Variants in SBNO1 observed in about 807,000 individuals in gnomAD.
SBNO1 encodes strawberry notch homolog 1.
Under a neutral mutation model 173.6 loss-of-function variants are expected in SBNO1, and 23 were observed. The observed-to-expected ratio is 0.13, with a 90% CI of 0.10 to 0.19. SBNO1 has a LOEUF of 0.19. SBNO1 is among the 10% of genes least tolerant of loss of function. SBNO1 has a pLI of 1.00. For missense variants in SBNO1, 1,238 were observed against 1,671.2 expected (o/e 0.74, Z 4.52); for synonymous variants, 632 against 571.5 (o/e 1.11, Z -1.51).
At chr12:123,332,850 C>A (rs1593378874) in intron 7 of SBNO1, among the ~76,000 whole-genome samples, 2 of 152,286 alleles carry the variant, frequency 1.3e-5, no homozygotes, top group Non-Finnish European at 2.9e-5. Context: ...TTGGGCCGGG[C>A]ACGGTGGCTC....
chr12:123,323,820 T>C lies in SBNO1; in HGVS notation c.1985A>G (p.Gln662Arg), dbSNP rs753994081. Residue 662 changes from glutamine (Q) to arginine (R), a missense_variant, in exon 16 of 32, where the codon CAG becomes CGG. Gln to Arg is a conservative substitution (Grantham distance 43, BLOSUM62 1). Transcript: ENST00000602398. Reference protein sequence around the residue: ...DFVSTAKGVLQSLIEKHFPAP... With the variant: ...DFVSTAKGVLRSLIEKHFPAP... ...AGGAAAATGTTTTTCAATGAGTGAC[T>C]GCAACACACCTCTGTAGGAGAGAAA... The C allele has an allele frequency of 6.2e-7, 1 of 1,609,996 alleles. No homozygotes were observed. The highest frequency in any genetic ancestry group is 8.5e-7 in the Non-Finnish European group (1 of 1,178,638).
At chr12:123,308,122 C>A (rs959306289) in intron 28 of SBNO1, among the ~76,000 whole-genome samples, 1 of 151,844 alleles carries the variant, frequency 6.6e-6, no homozygotes, top group Non-Finnish European at 1.5e-5. Flanking sequence ...AGAGAACTGG[C>A]GAAATAAAAT....
At chr12:123,360,403 GCTAAGAAATGC>G (rs550328996) in intron 1 of SBNO1, among the ~76,000 whole-genome samples, 44 of 152,234 alleles carry the variant, frequency 2.9e-4, no homozygotes, top group African/African-American at 7.9e-4. Context: ...CAATTTAGAT[GCTAAGAAATGC>G]CTAAACATAT....
At chr12:123,309,678 G>T in intron 26 of SBNO1, 32 bp downstream of exon 26, 2 of 1,608,726 alleles carry the variant, frequency 1.2e-6, no homozygotes, top group Non-Finnish European at 1.7e-6. Flanking sequence ...TTTCCCTGGG[G>T]ACATTGTGGG....
At chr12:123,344,156 G>C (rs1231347816) in intron 4 of SBNO1, among the ~76,000 whole-genome samples, 1 of 152,122 alleles carries the variant, frequency 6.6e-6, no homozygotes, top group East Asian at 1.9e-4. Flanking sequence ...TCCAAAGACC[G>C]TAACGAGAAG....
In SBNO1 at chr12:123,313,643, T is replaced by C; in HGVS notation, c.3197A>G (p.Asp1066Gly). 1.9e-6 allele frequency: 3 copies of C among 1,590,610 alleles called. No homozygotes were observed. The highest frequency in any genetic ancestry group is 2.2e-5 in the East Asian group (1 of 44,754). The change falls in exon 24 of 32, where the codon GAC becomes GGC. Residue 1066 changes from aspartate to glycine, a missense_variant. Physicochemically the swap from Asp to Gly is moderately conservative, Grantham distance 94. Transcript: ENST00000602398. ...ACCTTTAAAAAATTCTCCAGGATAGTCTGGAGGTGGTGATACCATAGGAGA... is the reference window on the plus strand; with the variant it reads ...ACCTTTAAAAAATTCTCCAGGATAGCCTGGAGGTGGTGATACCATAGGAGA... Reference protein sequence around the residue: ...LDSPMVSPPPDYPGEFFKDVR... With the variant: ...LDSPMVSPPPGYPGEFFKDVR...
At chr12:123,350,762 AATC>A (rs1231406899) in intron 1 of SBNO1, among the ~76,000 whole-genome samples, 1 of 152,226 alleles carries the variant, frequency 6.6e-6, no homozygotes, top group Non-Finnish European at 1.5e-5. Flanking sequence ...AGCATCAGGG[AATC>A]ATCAGGTGGA....
chr12:123,318,602 G>A (rs1046539391), intron 20 of SBNO1, among the ~76,000 whole-genome samples: 9 of 151,874 alleles, frequency 5.9e-5, no homozygotes, highest in South Asian at 4.2e-4. Flanking sequence ...GCGTGGTGGC[G>A]CGTGCCTGTA....
chr12:123,297,928 C>A (rs369892466), intron 31 of SBNO1, 50 bp downstream of exon 31: 4 of 1,556,770 alleles, frequency 2.6e-6, no homozygotes, highest in Non-Finnish European at 2.6e-6. Context: ...AGAAAAAAGT[C>A]GGATCCGATT....
At position 123,336,428 on chromosome 12, in the gene SBNO1, C is replaced by T; in HGVS notation, c.715G>A (p.Ala239Thr). Residue 239 changes from alanine (A) to threonine (T), a missense_variant, in exon 6 of 32, where the codon GCA becomes ACA. By Grantham distance (58) the Ala-to-Thr change is moderately conservative. Coordinates refer to ENST00000602398, the MANE Select transcript of SBNO1 (RefSeq NM_001167856.3). ...GGCATGTATTCTGCATAGGTTTCTG[C>T]ATGACCCATTTCTTCTTCATCTTCT... ...EEEDEEEMGH[A>T]ETYAEYMPIK... The T allele has an allele frequency of 6.2e-7, 1 of 1,611,732 alleles. No individual in the cohort carries two copies. The highest frequency in any genetic ancestry group is 8.5e-7 in the Non-Finnish European group (1 of 1,178,230).
intron 9 of SBNO1, among the ~76,000 whole-genome samples, 199 bp downstream of exon 9, chr12:123,330,220 T>C (rs974432070): frequency 6.6e-6 from 1 of 152,188 alleles, no homozygotes; most frequent in Non-Finnish European, 1.5e-5. Flanking sequence ...CCACATGTGA[T>C]GAGTGGCTAC....
chr12:123,334,153 G>T lies in SBNO1; in HGVS notation c.809C>A (p.Thr270Asn), dbSNP rs1388376684. The T allele has an allele frequency of 6.2e-7, 1 of 1,603,992 alleles. No homozygotes were observed. Among genetic ancestry groups the T allele is most frequent in the East Asian group, 2.3e-5 (1 of 44,420 alleles). The change falls in exon 7 of 32, where the codon ACT becomes AAT. Residue 270 changes from threonine (T) to asparagine (N), a missense_variant. Coordinates refer to ENST00000602398, the MANE Select transcript of SBNO1 (RefSeq NM_001167856.3). ...TGTTTTGTACCAAACATCAGGAGGA[G>T]TAACACTGGATAAAGAGCTGGTTTC... is the stretch of plus-strand genomic sequence containing the variant. The part of the protein sequence containing the change: ...VVETSSLSSV[T>N]PPDVWYKTSI...
At position 123,345,349 on chromosome 12, in the gene SBNO1, C is replaced by CTGAACT; in HGVS notation, c.453_458dup (p.Val152_Gln153dup). 2 of 1,614,102 alleles carry CTGAACT rather than the reference C, an allele frequency of 1.2e-6. No homozygotes were observed. The highest frequency in any genetic ancestry group is 1.7e-6 in the Non-Finnish European group (2 of 1,179,990). ...TATTATTTTTCAGTAGATCTTTAAG[C>CTGAACT]TGAACTTGGTCTTTTGAAGGTGCAG... On this transcript the variant is annotated inframe_insertion, in exon 4 of 32. Transcript: ENST00000602398.
At chr12:123,330,787 G>A (rs940324236) in intron 8 of SBNO1, among the ~76,000 whole-genome samples, 6 of 151,840 alleles carry the variant, frequency 4.0e-5, no homozygotes, top group African/African-American at 1.5e-4. Flanking sequence ...AATTAGCCAA[G>A]CATGGTAGTG....
At position 123,321,518 on chromosome 12, in the gene SBNO1, TA is replaced by T; in HGVS notation, c.2323+16del. ...AATATTATATGCTTTCGTGTATATT[TA>T]ATATACTGAACTTACCATTTTCATC... On this transcript the variant is annotated intron_variant, in intron 17 of 31. Coordinates refer to ENST00000602398, the MANE Select transcript of SBNO1 (RefSeq NM_001167856.3). The T allele has an allele frequency of 6.5e-7, 1 of 1,548,916 alleles. No homozygotes were observed. The highest frequency in any genetic ancestry group is 8.9e-7 in the Non-Finnish European group (1 of 1,121,002).
intron 1 of SBNO1, among the ~76,000 whole-genome samples, chr12:123,355,473 G>C (rs12315739): frequency 0.95 from 144,949 of 152,202 alleles, 69,152 homozygotes; most frequent in Non-Finnish European, 0.96. Context: ...GTGTGGTGGC[G>C]GGCGCCTGTA....
At chr12:123,326,605 T>C (rs960899254) in intron 13 of SBNO1, among the ~76,000 whole-genome samples, 6 of 152,096 alleles carry the variant, frequency 3.9e-5, no homozygotes, top group African/African-American at 1.4e-4. Flanking sequence ...CTTAACAAAA[T>C]GAAAACATGG....
At chr12:123,358,251 C>T (rs199734700) in intron 1 of SBNO1, among the ~76,000 whole-genome samples, 15 of 152,182 alleles carry the variant, frequency 9.9e-5, no homozygotes, top group East Asian at 1.9e-4. Flanking sequence ...TGATCACTCA[C>T]GTGAGGTCAA....
In SBNO1 at chr12:123,319,805, A is replaced by C; in HGVS notation, c.2799+95T>G. 13 of 1,029,402 alleles carry C rather than the reference A, an allele frequency of 1.3e-5. No individual in the cohort carries two copies. The South Asian group carries it at 2.0e-4, about 16-fold the overall frequency. 63.8% of individuals were successfully genotyped at this position (1,029,402 alleles called of 1,614,324 possible). A position where few individuals can be genotyped will look rare whatever the true frequency, so the allele number is the denominator to read the frequency against. On this transcript the variant is annotated intron_variant, in intron 20 of 31. Coordinates refer to ENST00000602398, the MANE Select transcript of SBNO1 (RefSeq NM_001167856.3). The stretch of plus-strand genomic sequence containing the variant: ...TACAGAATGACAATACTCAATGGAC[A>C]TGACTTATATTAAAAGGAAAAAGAC...
Sources: allele counts gnomAD v4.1 joint callset (sites outside exome capture counted in the v4.1 genomes callset), GRCh38; gene constraint gnomAD v4.1.1; transcripts MANE v1.5; gene names NCBI Gene and HGNC (gene_info 2026-07-23, HGNC 2026-07-21).